Variants in FRYL observed in about 807,000 individuals in gnomAD.
FRYL encodes the protein FRY like transcription coactivator, also known as protein furry homolog-like.
A neutral mutation model predicts 351.2 loss-of-function variants in FRYL; 150 were observed. That is an observed-to-expected ratio of 0.43 (90% CI 0.37 to 0.49). The LOEUF (loss-of-function observed/expected upper bound fraction) is 0.49, where lower values mean the gene tolerates loss of function less well. Ranked by LOEUF, FRYL falls within the 20% of genes least tolerant of loss-of-function variation. The probability of loss-of-function intolerance (pLI) is 0.00; values close to 1 mark genes in which losing one functional copy is unlikely to be tolerated. For synonymous variants in FRYL, 1,153 were observed against 1,257.1 expected (o/e 0.92, Z 1.75); for missense variants, 3,036 against 3,619.3 (o/e 0.84, Z 4.13).
At chr4:48,661,702 C>T (rs1238177343) in intron 3 of FRYL, among the ~76,000 whole-genome samples, 8 of 152,122 alleles carry the variant, frequency 5.3e-5, no homozygotes, top group Non-Finnish European at 1.2e-4. Context: ...ATGGCAACAT[C>T]CAATTGAAAT....
At chr4:48,623,617 C>T (rs575098875) in intron 4 of FRYL, among the ~76,000 whole-genome samples, 6 of 152,110 alleles carry the variant, frequency 3.9e-5, no homozygotes, top group Admixed American at 6.5e-5. Context: ...GTGTGACCTC[C>T]GACCTGACTA....
intron 11 of FRYL, among the ~76,000 whole-genome samples, chr4:48,603,908 G>A (rs1238002395): frequency 6.6e-6 from 1 of 152,186 alleles, no homozygotes; most frequent in Admixed American, 6.5e-5. Flanking sequence ...GACACAGGAA[G>A]TCTTACTGTC....
chr4:48,767,756 T>C (rs1775117716), intron 1 of FRYL, among the ~76,000 whole-genome samples: 1 of 152,202 alleles, frequency 6.6e-6, no homozygotes, highest in Admixed American at 6.5e-5. Flanking sequence ...ATGCATTTTC[T>C]CATCTTGGGT....
intron 7 of FRYL, among the ~76,000 whole-genome samples, chr4:48,611,622 C>A (rs1197294910): frequency 6.6e-6 from 1 of 151,948 alleles, no homozygotes; most frequent in Non-Finnish European, 1.5e-5. Flanking sequence ...CTATTCTTGG[C>A]CCATTGTTCT....
At chr4:48,625,615 T>C (rs995374265) in intron 4 of FRYL, among the ~76,000 whole-genome samples, 3 of 152,218 alleles carry the variant, frequency 2.0e-5, no homozygotes, top group African/African-American at 2.4e-5. Flanking sequence ...ATTTAAAGTA[T>C]ACAGGAGGAT....
In FRYL at chr4:48,565,611, A is replaced by C; in HGVS notation, c.3250T>G (p.Phe1084Val). 6.2e-7 allele frequency: 1 copy of C among 1,613,932 alleles called. No individual in the cohort carries two copies. Among genetic ancestry groups the C allele is most frequent in the Non-Finnish European group, 8.5e-7 (1 of 1,179,942 alleles). ...TCCAAGGGCGTAAACATGATGCTAA[A>C]AGGACCTGCCCAGTGACTGAACAGC... ...FMLFSHWAGPFSIMFTPLDRY... is the reference protein window; with the variant it reads ...FMLFSHWAGPVSIMFTPLDRY... The change falls in exon 29 of 64, where the codon TTT becomes GTT. Residue 1084 changes from phenylalanine (F) to valine (V), a missense_variant. Phe to Val is a conservative substitution (Grantham distance 50, BLOSUM62 -1). This residue lies in a region of FRYL where 1,987 missense variants were observed against 2,311.7 expected (regional missense o/e 0.86). Coordinates refer to ENST00000358350, the MANE Select transcript of FRYL (RefSeq NM_015030.2).
At chr4:48,590,599 C>G in intron 17 of FRYL, 60 bp downstream of exon 17, 1 of 1,263,560 alleles carries the variant, frequency 7.9e-7, no homozygotes. Context: ...TTTGATCAGA[C>G]TTTTATAAAA....
In FRYL at chr4:48,551,487, T is replaced by A; in HGVS notation, c.4520+7A>T. The A allele has an allele frequency of 6.4e-7, 1 of 1,555,596 alleles. No homozygotes were observed. The highest frequency in any genetic ancestry group is 8.9e-7 in the Non-Finnish European group (1 of 1,128,776). ...GAAAGGCTAATACAGAACAGAGAAG[T>A]ACTTACCTCTCTTCAATATTCTCTT... On this transcript the variant is annotated splice_region_variant and intron_variant, in intron 37 of 63. Transcript: ENST00000358350.
At chr4:48,754,685 T>TA (rs3085969) in intron 1 of FRYL, among the ~76,000 whole-genome samples, 8 of 151,108 alleles carry the variant, frequency 5.3e-5, no homozygotes, top group African/African-American at 1.2e-4. Flanking sequence ...TTTTTTTTTT[T>TA]AAATGAGAGT....
At chr4:48,500,845 C>G (rs1256556421) in intron 62 of FRYL, among the ~76,000 whole-genome samples, 1 of 152,010 alleles carries the variant, frequency 6.6e-6, no homozygotes, top group Non-Finnish European at 1.5e-5. Context: ...AGCACTTTGG[C>G]AGGCCAAGGC....
In FRYL at chr4:48,582,574, C is replaced by A. The variant is rs771285147; in HGVS notation, c.1909G>T (p.Ala637Ser). The stretch of plus-strand genomic sequence containing the variant: ...ATTAATTGTACCAACATCTTTACGG[C>A]ATTATCAAGAAGTGTGGGATGGACA... Reference protein sequence around the residue: ...TDVHPTLLDNAVKMLVQLINQ... With the variant: ...TDVHPTLLDNSVKMLVQLINQ... Residue 637 changes from alanine (A) to serine (S), a missense_variant, in exon 20 of 64, where the codon GCC becomes TCC. Coordinates refer to ENST00000358350, the MANE Select transcript of FRYL (RefSeq NM_015030.2). The A allele has an allele frequency of 6.2e-7, 1 of 1,614,090 alleles. No individual in the cohort carries two copies. Among genetic ancestry groups the A allele is most frequent in the South Asian group, 1.1e-5 (1 of 91,088 alleles).
chr4:48,518,689 G>C (rs1724191993), intron 55 of FRYL, among the ~76,000 whole-genome samples: 1 of 152,056 alleles, frequency 6.6e-6, no homozygotes, highest in South Asian at 2.1e-4. Flanking sequence ...CTTTTAAACT[G>C]CTGCTTCTTC....
At position 48,499,583 on chromosome 4, in the gene FRYL, C is replaced by T; in HGVS notation, c.8881G>A (p.Gly2961Arg). 1 of 1,614,114 alleles carries T rather than the reference C, an allele frequency of 6.2e-7. No individual in the cohort carries two copies. The highest frequency in any genetic ancestry group is 8.5e-7 in the Non-Finnish European group (1 of 1,179,992). Residue 2961 changes from glycine to arginine, a missense_variant, in exon 64 of 64, where the codon GGA becomes AGA. Physicochemically the swap from Gly to Arg is moderately radical, Grantham distance 125. This residue lies in a region of FRYL where 1,987 missense variants were observed against 2,311.7 expected (regional missense o/e 0.86). Transcript: ENST00000358350. ...YFHHQTLGQT[G>R]SFAVIGSNLD... ...TTAGAGCCTATAACTGCAAAGCTTCCTGTCTGGCCCAGCGTCTGATGATGG... is the reference window on the plus strand; with the variant it reads ...TTAGAGCCTATAACTGCAAAGCTTCTTGTCTGGCCCAGCGTCTGATGATGG...
intron 1 of FRYL, among the ~76,000 whole-genome samples, chr4:48,776,093 A>C (rs1775985925): frequency 6.6e-6 from 1 of 151,510 alleles, no homozygotes; most frequent in African/African-American, 2.4e-5. Flanking sequence ...TGAAAGAATA[A>C]ACAACCACTA....
chr4:48,616,563 C>A (rs1286170458), intron 7 of FRYL, among the ~76,000 whole-genome samples: 1 of 152,106 alleles, frequency 6.6e-6, no homozygotes, highest in African/African-American at 2.4e-5. Context: ...ATAGTACTTG[C>A]CATGGCCATC....
At chr4:48,661,119 T>C (rs969025340) in intron 3 of FRYL, among the ~76,000 whole-genome samples, 1 of 152,226 alleles carries the variant, frequency 6.6e-6, no homozygotes, top group African/African-American at 2.4e-5. Context: ...CAGTGGAAAC[T>C]GATTGTAGAG....
chr4:48,614,032 G>C (rs1377036419), intron 7 of FRYL, among the ~76,000 whole-genome samples: 1 of 151,166 alleles, frequency 6.6e-6, no homozygotes, highest in Admixed American at 6.6e-5. Context: ...TTACTGCCAG[G>C]AAAGAAAGAG....
chr4:48,694,514 C>G (rs1361717544), intron 2 of FRYL, among the ~76,000 whole-genome samples: 1 of 151,952 alleles, frequency 6.6e-6, no homozygotes, highest in Non-Finnish European at 1.5e-5. Context: ...CCAGGCTGGT[C>G]TTGAACTCCT....
At chr4:48,705,187 C>CCAAA in intron 2 of FRYL, among the ~76,000 whole-genome samples, 1 of 151,810 alleles carries the variant, frequency 6.6e-6, no homozygotes, top group Non-Finnish European at 1.5e-5. Flanking sequence ...AGAACCTGCC[C>CCAAA]CAAACACAGT....
Sources: gnomAD v4.1 joint callset for allele counts (sites outside exome capture counted in the v4.1 genomes callset) on GRCh38, gnomAD v4.1.1 for gene constraint, gnomAD v4.1.1 regional missense constraint, MANE v1.5 for transcripts, NCBI Gene and HGNC (gene_info 2026-07-23, HGNC 2026-07-21) for gene names.